PARP10: variants seen among roughly 807,000 people sequenced by gnomAD.
The protein encoded by PARP10 is protein mono-ADP-ribosyltransferase PARP10.
A neutral mutation model predicts 82.4 loss-of-function variants in PARP10; 56 were observed. That is an observed-to-expected ratio of 0.68 (90% CI 0.55 to 0.85). The LOEUF is 0.85. PARP10 is among the 40% of genes least tolerant of loss of function. PARP10 has a pLI of 0.00. For missense variants in PARP10, 1,227 were observed against 1,379.4 expected, an observed-to-expected ratio of 0.89 and a Z score of 1.75; for synonymous variants, 576 against 601.1, an observed-to-expected ratio of 0.96 and a Z score of 0.61.
upstream of PARP10, chr8:143,992,335 A>G: frequency 1.3e-6 from 2 of 1,590,298 alleles, no homozygotes; most frequent in Non-Finnish European, 8.6e-7. Flanking sequence ...GGGCATCACC[A>G]CAGCCGTCTG....
rs782760652 is a variant in PARP10, at chr8:143,983,764, C to A, written c.1825G>T (p.Gly609Trp). The change falls in exon 8 of 11, where the codon GGG (glycine) becomes TGG (tryptophan). Residue 609 changes from glycine to tryptophan, a missense_variant. Transcript: ENST00000313028. Reference protein sequence around the residue: ...LATLEGLDLDGEDWLPRELEE... With the variant: ...LATLEGLDLDWEDWLPRELEE... Reference sequence around the variant, plus strand: ...AGCTCCCGAGGCAGCCAGTCCTCCCCGTCTAGGTCTAGGCCCTCCAGGGTG... The same window carrying A: ...AGCTCCCGAGGCAGCCAGTCCTCCCAGTCTAGGTCTAGGCCCTCCAGGGTG... The A allele has an allele frequency of 6.2e-7, 1 of 1,611,490 alleles. No homozygotes were observed. Among genetic ancestry groups the A allele is most frequent in the Non-Finnish European group, 8.5e-7 (1 of 1,178,724 alleles).
At chr8:143,998,939 G>C (rs1371981425) in intron 1 of PARP10, among the ~76,000 whole-genome samples, 1 of 132,528 alleles carries the variant, frequency 7.5e-6, no homozygotes, top group East Asian at 2.0e-4. Flanking sequence ...GACAGAGTGA[G>C]ACCCTGTTTA....
chr8:144,009,975 C>T (rs1640496542), intron 1 of PARP10, among the ~76,000 whole-genome samples: 1 of 152,182 alleles, frequency 6.6e-6, no homozygotes, highest in Non-Finnish European at 1.5e-5. Flanking sequence ...AGTTTCTTCC[C>T]TCCAATCTGT....
upstream of PARP10, chr8:143,992,596 G>A (rs1490677703): frequency 6.8e-6 from 11 of 1,614,016 alleles, no homozygotes; most frequent in Non-Finnish European, 9.3e-6. Flanking sequence ...TGGGCGCTCT[G>A]CTCTTCACCT....
Position 144,008,226 on chromosome 8 carries a change from T to C in PARP10, c.-80+4304A>G, listed in dbSNP as rs1173549323. Among the ~76,000 whole-genome samples, 3 of 152,082 alleles carry C rather than the reference T, an allele frequency of 2.0e-5. No individual in the cohort carries two copies. Among genetic ancestry groups the C allele is most frequent in the Non-Finnish European group, 2.9e-5 (2 of 68,006 alleles). On this transcript the variant is annotated intron_variant, in intron 1 of 3. Coordinates refer to the PARP10 transcript ENST00000530478. The surrounding 1 kb of genome is among the most constrained non-coding windows in gnomAD (Gnocchi z 4.0). ...GAGGTGCCTCTCAGCGCACCCAGCA[T>C]GGAGGCAGCACGTTGGGGCCTGTCA...
chr8:143,992,114 G>A (rs782539977), upstream of PARP10: 4 of 1,606,334 alleles, frequency 2.5e-6, no homozygotes, highest in Admixed American at 1.7e-5. Context: ...GCCTGGGTCC[G>A]GCCATGCAGT....
Position 144,008,523 on chromosome 8 carries a change from G to T in PARP10, c.-80+4007C>A, listed in dbSNP as rs1294407102. On this transcript the variant is annotated intron_variant, in intron 1 of 3. Transcript: ENST00000530478. This position sits in a 1 kb window ranked among gnomAD's most constrained non-coding sequence, Gnocchi z 4.0. Reference sequence around the variant, plus strand: ...AAAAGCAAGTGGGACAACACTGGAGGTTTGTTCACAGTGAGCCCCTAACGG... The same window carrying T: ...AAAAGCAAGTGGGACAACACTGGAGTTTTGTTCACAGTGAGCCCCTAACGG... Among the ~76,000 whole-genome samples, 1 of 152,204 alleles carries T rather than the reference G, an allele frequency of 6.6e-6. No individual in the cohort carries two copies. Among genetic ancestry groups the T allele is most frequent in the Non-Finnish European group, 1.5e-5 (1 of 68,046 alleles).
chr8:143,986,516 G>T, upstream of PARP10: 1 of 1,104,018 alleles, frequency 9.1e-7, no homozygotes. Context: ...GCTGAGGCCT[G>T]GGTACTGGGG....
At chr8:144,004,215 G>A (rs1834220625) in intron 1 of PARP10, among the ~76,000 whole-genome samples, 1 of 151,950 alleles carries the variant, frequency 6.6e-6, no homozygotes. Context: ...GGAGGCTGAG[G>A]CAGTAGGATC....
At chr8:144,004,898 T>C (rs1834224269) in intron 1 of PARP10, among the ~76,000 whole-genome samples, 2 of 151,308 alleles carry the variant, frequency 1.3e-5, no homozygotes, top group South Asian at 4.2e-4. Flanking sequence ...CTACCAAGAG[T>C]CCGGGCACGG....
In PARP10 at chr8:144,008,552, G is replaced by C. The variant is rs1554752220; in HGVS notation, c.-80+3978C>G. On this transcript the variant is annotated intron_variant, in intron 1 of 3. Transcript: ENST00000530478. This position sits in a 1 kb window ranked among gnomAD's most constrained non-coding sequence, Gnocchi z 4.0. Reference sequence around the variant, plus strand: ...GTTCACAGTGAGCCCCTAACGGGCCGGGAGGAGCGCAAACCCCGAGTGCAC... The same window carrying C: ...GTTCACAGTGAGCCCCTAACGGGCCCGGAGGAGCGCAAACCCCGAGTGCAC... Among the ~76,000 whole-genome samples the C allele has an allele frequency of 6.6e-6, 1 of 152,166 alleles. No homozygotes were observed. The highest frequency in any genetic ancestry group is 2.4e-5 in the African/African-American group (1 of 41,446).
chr8:144,010,094 G>A (rs1554752348), intron 1 of PARP10, among the ~76,000 whole-genome samples: 1 of 152,130 alleles, frequency 6.6e-6, no homozygotes, highest in East Asian at 1.9e-4. Flanking sequence ...CTCATTCTGT[G>A]CTCTACCACA....
Position 144,001,873 on chromosome 8 carries a change from C to T in PARP10, c.-80+10657G>A, listed in dbSNP as rs868917494. Among the ~76,000 whole-genome samples the T allele has an allele frequency of 9.7e-4, 133 of 136,506 alleles. 1 individual carries two copies. Among genetic ancestry groups the T allele is most frequent in the Non-Finnish European group, 1.7e-3 (108 of 62,080 alleles). 89.6% of individuals were successfully genotyped at this position (136,506 alleles called of 152,430 possible). On this transcript the variant is annotated intron_variant, in intron 1 of 3. Coordinates refer to the PARP10 transcript ENST00000530478. ...CAAGATCCATCTTTAAATATATATA[C>T]GTGTGTGTGTGTGTGTGTGTGTGTG...
chr8:143,991,232 T>C (rs1554750370), upstream of PARP10: 7 of 1,578,730 alleles, frequency 4.4e-6, no homozygotes, highest in Non-Finnish European at 5.2e-6. Context: ...CCATGTCCCA[T>C]GAAAAGAGTT....
intron 1 of PARP10, among the ~76,000 whole-genome samples, chr8:143,998,095 G>A (rs1368529381): frequency 2.0e-5 from 3 of 151,986 alleles, no homozygotes; most frequent in Non-Finnish European, 2.9e-5. Context: ...GCCTAGCCAA[G>A]ACAAAATATT....
rs1244440291 is a variant in PARP10, at chr8:143,985,813, G to A, written c.344C>T (p.Ala115Val). The A allele has an allele frequency of 6.2e-7, 1 of 1,611,800 alleles. No homozygotes were observed. Among genetic ancestry groups the A allele is most frequent in the Non-Finnish European group, 8.5e-7 (1 of 1,179,598 alleles). ...LEQHVQALLR[A>V]SGLPVQPCCA... is the part of the protein sequence containing the mutation. ...GCAAGGCTGTACTGGGAGCCCCGAG[G>A]CCCGCAGCAAGGCCTGGACATGCTG... The change falls in exon 3 of 11, where the codon GCC (alanine) becomes GTC (valine). Residue 115 changes from alanine (A) to valine (V), a missense_variant. Coordinates refer to ENST00000313028, the MANE Select transcript of PARP10 (RefSeq NM_032789.5).
rs782045812 is a variant in PARP10, at chr8:143,985,119, T to C, written c.883A>G (p.Met295Val). 1.2e-6 allele frequency: 2 copies of C among 1,613,960 alleles called. No individual in the cohort carries two copies. Among genetic ancestry groups the C allele is most frequent in the South Asian group, 1.1e-5 (1 of 91,078 alleles). ...TALQGAGTVT[M>V]GSGEEPGQSG... ...TGCCCTGGTTCCTCGCCAGAGCCCA[T>C]TGTCACAGTCCCTGCACCCTGCAGA... The change falls in exon 5 of 11, where the codon ATG (methionine) becomes GTG (valine). Residue 295 changes from methionine to valine, a missense_variant. Transcript: ENST00000313028.
In PARP10 at chr8:143,978,072, C is replaced by A; in HGVS notation, c.2566G>T (p.Val856Leu). 5 of 1,524,244 alleles carry A rather than the reference C, an allele frequency of 3.3e-6. No individual in the cohort carries two copies. Among genetic ancestry groups the A allele is most frequent in the South Asian group, 1.2e-5 (1 of 83,828 alleles). 94.4% of individuals were successfully genotyped at this position (1,524,244 alleles called of 1,614,324 possible). ...TGCTGCTGCAGCAGCGGGTGCGACA[C>A]GCGCTCCACCTGCGGGGAAGGCCCG... ...SSIRVVRVER[V>L]SHPLLQQQYE... The change falls in exon 10 of 11, where the codon GTG becomes TTG. Residue 856 changes from valine to leucine, a missense_variant. By Grantham distance (32) the Val-to-Leu change is conservative (BLOSUM62 1). Transcript: ENST00000313028.
At chr8:143,996,266 AAC>A (rs1258838136) in intron 1 of PARP10, among the ~76,000 whole-genome samples, 2 of 152,234 alleles carry the variant, frequency 1.3e-5, no homozygotes, top group Non-Finnish European at 2.9e-5. Flanking sequence ...TCAATCAAAA[AAC>A]AAGTTATATA....
Sources: gnomAD v4.1 joint callset for allele counts (sites outside exome capture counted in the v4.1 genomes callset) on GRCh38, gnomAD v4.1.1 for gene constraint, Gnocchi (gnomAD v3.1) non-coding constraint, MANE v1.5 for transcripts, NCBI Gene and HGNC (gene_info 2026-07-23, HGNC 2026-07-21) for gene names.